Variants in CTNNA2 observed in about 807,000 individuals in gnomAD.
CTNNA2 encodes the protein catenin alpha-2.
Under a neutral mutation model 101.0 loss-of-function variants are expected in CTNNA2, and 42 were observed. The observed-to-expected ratio is 0.42, with a 90% confidence interval of 0.32 to 0.54. CTNNA2 has a LOEUF of 0.54. Ranked by LOEUF, CTNNA2 falls within the 20% of genes least tolerant of loss-of-function variation. The pLI is 0.14. For synonymous variants in CTNNA2, 450 were observed against 456.4 expected (o/e 0.99, Z 0.18); for missense variants, 871 against 1,223.1 (o/e 0.71, Z 4.29).
At chr2:80,516,347 T>TA (rs1362405335) in intron 9 of CTNNA2, among the ~76,000 whole-genome samples, 1 of 152,188 alleles carries the variant, frequency 6.6e-6, no homozygotes, top group Non-Finnish European at 1.5e-5. Flanking sequence ...CCGCAGAAGC[T>TA]ATGTGATTTC....
chr2:80,555,435 T>C (rs1370375766), intron 11 of CTNNA2, among the ~76,000 whole-genome samples: 1 of 152,214 alleles, frequency 6.6e-6, no homozygotes, highest in African/African-American at 2.4e-5. Flanking sequence ...TCTTGGGCTC[T>C]ACCCCAGACT....
intron 7 of CTNNA2, among the ~76,000 whole-genome samples, chr2:79,912,807 A>G (rs1011322888): frequency 6.6e-6 from 1 of 152,208 alleles, no homozygotes; most frequent in African/African-American, 2.4e-5. Flanking sequence ...TGGTTGAAGT[A>G]TTATGCTGAG....
chr2:80,542,587 C>A (rs1021201240), intron 9 of CTNNA2, among the ~76,000 whole-genome samples: 1 of 151,836 alleles, frequency 6.6e-6, no homozygotes, highest in East Asian at 1.9e-4. Flanking sequence ...TTTTCTTATG[C>A]TTTTTACAGA....
At chr2:79,704,511 T>C (rs938947065) in intron 2 of CTNNA2, among the ~76,000 whole-genome samples, 2 of 95,728 alleles carry the variant, frequency 2.1e-5, no homozygotes, top group Admixed American at 2.0e-4. Context: ...CTTGTGCTTC[T>C]TTTTTTTTTT....
chr2:79,659,939 G>T (rs1254469259), intron 2 of CTNNA2, among the ~76,000 whole-genome samples: 1 of 152,178 alleles, frequency 6.6e-6, no homozygotes, highest in Admixed American at 6.5e-5. Context: ...GTTATAGTAA[G>T]CTATGATGGT....
intron 1 of CTNNA2, among the ~76,000 whole-genome samples, chr2:79,571,206 C>T (rs987560426): frequency 3.3e-5 from 5 of 152,056 alleles, no homozygotes; most frequent in Non-Finnish European, 5.9e-5. Flanking sequence ...TTCCATTTCT[C>T]ATTTGGAATG....
At chr2:80,090,571 T>G (rs1263473511) in intron 7 of CTNNA2, among the ~76,000 whole-genome samples, 1 of 152,074 alleles carries the variant, frequency 6.6e-6, no homozygotes, top group East Asian at 1.9e-4. Flanking sequence ...TCTTTCCAAA[T>G]TGAGTTAGGA....
intron 3 of CTNNA2, among the ~76,000 whole-genome samples, chr2:79,340,348 C>T (rs1573096510): frequency 1.3e-5 from 2 of 152,122 alleles, no homozygotes; most frequent in East Asian, 3.9e-4. Flanking sequence ...AGAAATTAAA[C>T]GCACATATGT....
At chr2:79,680,287 A>G (rs1301785711) in intron 2 of CTNNA2, among the ~76,000 whole-genome samples, 4 of 152,060 alleles carry the variant, frequency 2.6e-5, no homozygotes, top group African/African-American at 7.2e-5. Flanking sequence ...TTTCAAACTG[A>G]AAAGGTAGGT....
intron 2 of CTNNA2, among the ~76,000 whole-genome samples, chr2:79,725,723 G>A (rs377653672): frequency 5.3e-5 from 8 of 152,092 alleles, no homozygotes; most frequent in African/African-American, 1.2e-4. Flanking sequence ...GTCAGTGCAT[G>A]CACCTTAAAA....
chr2:79,371,515 A>T (rs1391047265), intron 3 of CTNNA2, among the ~76,000 whole-genome samples: 2 of 152,184 alleles, frequency 1.3e-5, no homozygotes, highest in East Asian at 3.9e-4. Flanking sequence ...CCAAGAGATG[A>T]ACCAGGCTCC....
In CTNNA2 at chr2:79,300,147, C is replaced by T. The variant is rs1041695954; in HGVS notation, c.-405-12562C>T. Among the ~76,000 whole-genome samples the T allele has an allele frequency of 3.3e-5, 5 of 152,196 alleles. No homozygotes were observed. In the South Asian group the frequency reaches 1.0e-3, roughly 32 times the overall value. ...GTAATCATACAGAATAGTGTCGTTG[C>T]CCTAAAATTCCCCCTGCTCTAACTA... On this transcript the variant is annotated intron_variant, in intron 2 of 21. Transcript: ENST00000466387.
chr2:80,080,750 T>C (rs982517833), intron 7 of CTNNA2, among the ~76,000 whole-genome samples: 1 of 152,108 alleles, frequency 6.6e-6, no homozygotes, highest in Non-Finnish European at 1.5e-5. Context: ...ACCTTTGTTT[T>C]AAAAGCTTTT....
intron 9 of CTNNA2, among the ~76,000 whole-genome samples, chr2:80,525,479 G>C (rs1290395522): frequency 2.0e-5 from 3 of 152,014 alleles, no homozygotes; most frequent in South Asian, 2.1e-4. Context: ...ATCTGATTTG[G>C]CTTGTATCTG....
intron 3 of CTNNA2, among the ~76,000 whole-genome samples, chr2:79,751,689 G>A (rs75935014): frequency 0.021 from 3,148 of 151,690 alleles, 95 homozygotes; most frequent in African/African-American, 0.071. Flanking sequence ...CATGATGAAA[G>A]GAAGGGAGAG....
intron 7 of CTNNA2, among the ~76,000 whole-genome samples, chr2:80,113,238 A>G (rs1407668692): frequency 6.6e-6 from 1 of 152,254 alleles, no homozygotes; most frequent in Non-Finnish European, 1.5e-5. Context: ...TGAAACATTC[A>G]GTGGATCTTC....
Position 80,040,904 on chromosome 2 carries a change from A to G in CTNNA2, c.1056+131107A>G, listed in dbSNP as rs150024607. ...GATATATGTGTCAAAAAATACATTA[A>G]CAAGTATGTTGATGATAATAAATAA... On this transcript the variant is annotated intron_variant, in intron 7 of 18. Coordinates refer to ENST00000402739, the MANE Select transcript of CTNNA2 (RefSeq NM_001282597.3). Among the ~76,000 whole-genome samples, 1,051 of 152,356 alleles carry G rather than the reference A, an allele frequency of 6.9e-3. 13 individuals carry two copies. The highest frequency in any genetic ancestry group is 0.024 in the African/African-American group (990 of 41,574).
intron 14 of CTNNA2, among the ~76,000 whole-genome samples, chr2:80,583,145 C>G (rs1171574834): frequency 1.3e-5 from 2 of 152,104 alleles, no homozygotes; most frequent in Non-Finnish European, 2.9e-5. Context: ...AGACCTCTCT[C>G]TAAAATGCGA....
chr2:80,218,654 C>T (rs1708409066), intron 7 of CTNNA2, among the ~76,000 whole-genome samples: 1 of 152,156 alleles, frequency 6.6e-6, no homozygotes. Flanking sequence ...ATTGTTTACT[C>T]ACAGGGTTGT....
Sources: gnomAD v4.1 joint callset for allele counts (sites outside exome capture counted in the v4.1 genomes callset) on GRCh38, gnomAD v4.1.1 for gene constraint, MANE v1.5 for transcripts, NCBI Gene and HGNC (gene_info 2026-07-23, HGNC 2026-07-21) for gene names.